Variants in NRXN3 observed in about 807,000 individuals in gnomAD.
The protein encoded by NRXN3 is neurexin 3.
A neutral mutation model predicts 137.6 loss-of-function variants in NRXN3; 32 were observed. The ratio of observed to expected loss-of-function variants is 0.23; its 90% CI spans 0.18 to 0.31. The LOEUF (loss-of-function observed/expected upper bound fraction) is 0.31, where lower values mean the gene tolerates loss of function less well. Ranked by LOEUF, NRXN3 falls within the 10% of genes least tolerant of loss-of-function variation. NRXN3 has a pLI of 1.00. For synonymous variants in NRXN3, 798 were observed against 784.5 expected (o/e 1.02, Z -0.29); for missense variants, 1,574 against 2,062.5 (o/e 0.76, Z 4.59).
intron 16 of NRXN3, among the ~76,000 whole-genome samples, chr14:79,529,746 GT>G (rs1310964902): frequency 6.6e-6 from 1 of 152,192 alleles, no homozygotes; most frequent in Non-Finnish European, 1.5e-5. Context: ...AGGATGTAAA[GT>G]GGAATGAGGT....
chr14:78,243,008 T>C lies in NRXN3; in HGVS notation c.-86T>C. 1 of 971,286 alleles carries C rather than the reference T, an allele frequency of 1.0e-6. No homozygotes were observed. The highest frequency in any genetic ancestry group is 1.7e-5 in the South Asian group (1 of 58,684). The allele number at this position is 971,286 out of a possible 1,614,324, so 60.2% of individuals were successfully genotyped here. A position where few individuals can be genotyped will look rare whatever the true frequency, so the allele number is the denominator to read the frequency against. On this transcript the variant is annotated 5_prime_UTR_variant, in exon 2 of 21. Coordinates refer to ENST00000335750, the MANE Select transcript of NRXN3 (RefSeq NM_001330195.2). This position sits in a 1 kb window ranked among gnomAD's most constrained non-coding sequence, Gnocchi z 4.2. The stretch of plus-strand genomic sequence containing the variant: ...TGTCCCCCCATCTCTGTCTTGTCTT[T>C]CCCACTTCTATTGCCAAAGGGAGAG...
At chr14:79,813,815 A>G (rs1385918677) in intron 20 of NRXN3, among the ~76,000 whole-genome samples, 5 of 152,210 alleles carry the variant, frequency 3.3e-5, no homozygotes, top group African/African-American at 4.8e-5. Flanking sequence ...AATGTAATTA[A>G]TTGAAAAGAT....
At chr14:78,613,878 A>G (rs1048730802) in intron 4 of NRXN3, among the ~76,000 whole-genome samples, 4 of 152,188 alleles carry the variant, frequency 2.6e-5, no homozygotes, top group Non-Finnish European at 5.9e-5. Flanking sequence ...CTTAAACCAG[A>G]AAAGTACACT....
Position 79,227,108 on chromosome 14 carries a change from G to A in NRXN3, c.3262+238967G>A, listed in dbSNP as rs546592017. 7.2e-5 allele frequency among the ~76,000 whole-genome samples: 11 copies of A among 151,914 alleles called. No homozygotes were observed. The East Asian group carries it at 1.4e-3, about 19-fold the overall frequency. ...CCTGGAATTACAGGCGTGAGCCACC[G>A]CGCCTGGCCTACATCCATTTTAAAA... On this transcript the variant is annotated intron_variant, in intron 15 of 20. Transcript: ENST00000335750.
intron 4 of NRXN3, among the ~76,000 whole-genome samples, chr14:78,306,300 C>G (rs2077363057): frequency 6.6e-6 from 1 of 152,142 alleles, no homozygotes; most frequent in African/African-American, 2.4e-5. Context: ...ACTTTCTCCT[C>G]TAAGGTATGA....
At chr14:79,605,537 G>A (rs988458825) in intron 16 of NRXN3, among the ~76,000 whole-genome samples, 1 of 151,996 alleles carries the variant, frequency 6.6e-6, no homozygotes, top group Admixed American at 6.6e-5. Flanking sequence ...ACCCAGGCTG[G>A]AATGCAGTGG....
In NRXN3 at chr14:79,565,509, T is replaced by C. The variant is rs537898943; in HGVS notation, c.3444+98107T>C. 8.6e-5 allele frequency among the ~76,000 whole-genome samples: 13 copies of C among 152,000 alleles called. No homozygotes were observed. In the South Asian group the frequency reaches 1.2e-3, roughly 15 times the overall value. On this transcript the variant is annotated intron_variant, in intron 16 of 20. Transcript: ENST00000335750. ...GGGTAGAGGAGCTATTCAGTGCCTATTGAGTCAAAATTTGGCCTTAATATA... is the reference window on the plus strand; with the variant it reads ...GGGTAGAGGAGCTATTCAGTGCCTACTGAGTCAAAATTTGGCCTTAATATA...
At chr14:79,017,335 C>A (rs1443580196) in intron 15 of NRXN3, among the ~76,000 whole-genome samples, 3 of 151,662 alleles carry the variant, frequency 2.0e-5, no homozygotes, top group Admixed American at 6.6e-5. Context: ...TACGTAATAG[C>A]TCCATTCACT....
chr14:78,264,807 A>G (rs950474708), intron 2 of NRXN3, among the ~76,000 whole-genome samples: 1 of 152,216 alleles, frequency 6.6e-6, no homozygotes. Flanking sequence ...CAGCAGATAG[A>G]TTAGAGCTCA....
chr14:78,644,501 T>C (rs1331984913), intron 4 of NRXN3, among the ~76,000 whole-genome samples: 1 of 152,142 alleles, frequency 6.6e-6, no homozygotes, highest in Non-Finnish European at 1.5e-5. Flanking sequence ...TATCAAAACA[T>C]ATCAAATTAA....
chr14:78,380,266 AGT>A (rs2088801999), intron 4 of NRXN3, among the ~76,000 whole-genome samples: 1 of 134,878 alleles, frequency 7.4e-6, no homozygotes, highest in Non-Finnish European at 1.5e-5. Context: ...GCGCCACTGC[AGT>A]CCGCAGTCCG....
intron 4 of NRXN3, among the ~76,000 whole-genome samples, chr14:78,579,021 A>G (rs1328979635): frequency 5.3e-5 from 8 of 152,006 alleles, no homozygotes; most frequent in Admixed American, 2.0e-4. Context: ...TCAACCTATT[A>G]TAGAATTCAG....
At chr14:78,268,307 G>C (rs1279857332) in intron 2 of NRXN3, among the ~76,000 whole-genome samples, 1 of 151,852 alleles carries the variant, frequency 6.6e-6, no homozygotes, top group Admixed American at 6.6e-5. Flanking sequence ...AAGAACAACT[G>C]TTCACATCTT....
intron 18 of NRXN3, 23 bp from the exon 19 acceptor site, chr14:79,697,607 G>C (rs1392199668): frequency 6.2e-7 from 1 of 1,602,820 alleles, no homozygotes; most frequent in African/African-American, 1.3e-5. Flanking sequence ...GAATAATAAT[G>C]TTTCCTCCAC....
chr14:78,818,004 TA>T (rs1430390229), intron 10 of NRXN3, among the ~76,000 whole-genome samples: 1 of 152,138 alleles, frequency 6.6e-6, no homozygotes, highest in East Asian at 1.9e-4. Context: ...CTGAACATCT[TA>T]AAATAGGCAA....
At chr14:79,336,656 C>T (rs1033765552) in intron 15 of NRXN3, among the ~76,000 whole-genome samples, 1 of 152,120 alleles carries the variant, frequency 6.6e-6, no homozygotes, top group Non-Finnish European at 1.5e-5. Context: ...CCGAAGGCCA[C>T]AATAATAAAC....
intron 1 of NRXN3, among the ~76,000 whole-genome samples, chr14:78,179,040 G>C (rs771432201): frequency 2.0e-5 from 3 of 152,166 alleles, no homozygotes; most frequent in Non-Finnish European, 2.9e-5. Context: ...AGCTGGAGGG[G>C]TGCTGGTTCT....
intron 15 of NRXN3, among the ~76,000 whole-genome samples, chr14:79,317,773 A>T (rs1195622396): frequency 6.6e-6 from 1 of 152,182 alleles, no homozygotes; most frequent in Non-Finnish European, 1.5e-5. Context: ...TTTTAATCGT[A>T]TTCCTTTATA....
chr14:79,851,280 A>G (rs2141719893), intron 20 of NRXN3, among the ~76,000 whole-genome samples: 1 of 152,290 alleles, frequency 6.6e-6, no homozygotes, highest in Admixed American at 6.5e-5. Flanking sequence ...CATTTATACA[A>G]TCTTAATTCA....
Sources: allele counts gnomAD v4.1 joint callset (sites outside exome capture counted in the v4.1 genomes callset), GRCh38; gene constraint gnomAD v4.1.1; non-coding constraint Gnocchi (gnomAD v3.1); transcripts MANE v1.5; gene names NCBI Gene and HGNC (gene_info 2026-07-23, HGNC 2026-07-21).